The following FAM149B1 variants were observed in gnomAD, a reference collection of about 807,000 sequenced individuals.
FAM149B1 encodes the protein primary cilium assembly protein FAM149B1.
Under a neutral mutation model 75.3 loss-of-function variants are expected in FAM149B1, and 56 were observed. The observed-to-expected ratio is 0.74, with a 90% CI of 0.60 to 0.93. The LOEUF (loss-of-function observed/expected upper bound fraction) is 0.93, where lower values mean the gene tolerates loss of function less well. Among genes scored for constraint, FAM149B1 ranks in the 40% least tolerant of loss-of-function variants. FAM149B1 has a pLI of 0.00. For synonymous variants in FAM149B1, 259 were observed against 256.1 expected, an observed-to-expected ratio of 1.01 and a Z score of -0.11; for missense variants, 639 against 708.4, an observed-to-expected ratio of 0.90 and a Z score of 1.11.
chr10:73,236,690 G>A (rs1424039837), intron 12 of FAM149B1, among the ~76,000 whole-genome samples: 2 of 150,758 alleles, frequency 1.3e-5, no homozygotes, highest in African/African-American at 4.9e-5. Context: ...GTGATTATAG[G>A]TGTGAGCCAC....
chr10:73,222,227 T>C (rs2043433377), intron 7 of FAM149B1, among the ~76,000 whole-genome samples: 1 of 152,220 alleles, frequency 6.6e-6, no homozygotes, highest in African/African-American at 2.4e-5. Flanking sequence ...TGCAAACAGT[T>C]TGATCCATTC....
intron 5 of FAM149B1, among the ~76,000 whole-genome samples, chr10:73,199,192 C>A (rs1227216007): frequency 8.0e-6 from 1 of 125,264 alleles, no homozygotes; most frequent in Non-Finnish European, 1.7e-5. Context: ...TAACTGTTAT[C>A]CTTTTTTGTT....
At chr10:73,238,637 A>T (rs1564719378) in intron 12 of FAM149B1, 1 of 152,330 alleles carries the variant, frequency 6.6e-6, no homozygotes, top group Admixed American at 6.5e-5. Context: ...CTTTGCAAAA[A>T]ATAAGTTTGC....
At chr10:73,193,407 A>G in intron 4 of FAM149B1, 70 bp from the exon 5 acceptor site, 1 of 1,481,670 alleles carries the variant, frequency 6.7e-7, no homozygotes, top group Non-Finnish European at 9.1e-7. Context: ...AATGTGTCCA[A>G]AATATATCTA....
At chr10:73,178,219 C>T (rs1844054964) in intron 3 of FAM149B1, among the ~76,000 whole-genome samples, 2 of 152,122 alleles carry the variant, frequency 1.3e-5, no homozygotes, top group South Asian at 2.1e-4. Flanking sequence ...TGGCCGGGCA[C>T]GGTGGCTCAC....
At position 73,241,192 on chromosome 10, in the gene FAM149B1, A is replaced by G. The variant is rs1472487209; in HGVS notation, c.*173A>G. ...AAACACCATAGCAGCCAAAAATGAC[A>G]TGAGTGTTGTTTCTATCTCCAGTTA... On this transcript the variant is annotated 3_prime_UTR_variant, in exon 14 of 14. Coordinates refer to ENST00000242505, the MANE Select transcript of FAM149B1 (RefSeq NM_173348.2). 5.1e-6 allele frequency: 3 copies of G among 582,986 alleles called. No homozygotes were observed. Among genetic ancestry groups the G allele is most frequent in the Admixed American group, 2.7e-5 (1 of 37,384 alleles). The allele number at this position is 582,986 out of a possible 1,614,324, so 36.1% of individuals were successfully genotyped here.
chr10:73,181,858 A>T (rs1174967057), intron 3 of FAM149B1, among the ~76,000 whole-genome samples: 1 of 152,146 alleles, frequency 6.6e-6, no homozygotes, highest in African/African-American at 2.4e-5. Flanking sequence ...TCCAACTCTT[A>T]TTGTATTGGG....
intron 3 of FAM149B1, chr10:73,183,535 A>G (rs1052618720): frequency 3.3e-5 from 5 of 152,174 alleles, no homozygotes; most frequent in Non-Finnish European, 5.9e-5. Flanking sequence ...ATACTTCTCA[A>G]TTCAGTTCAT....
At chr10:73,235,572 G>A (rs755699938) in intron 12 of FAM149B1, 3 of 671,222 alleles carry the variant, frequency 4.5e-6, no homozygotes, top group Admixed American at 7.1e-5. Context: ...CTGACCACAA[G>A]CAAGAATATT....
intron 3 of FAM149B1, among the ~76,000 whole-genome samples, chr10:73,188,809 GGAAA>G (rs1306414901): frequency 7.3e-6 from 1 of 137,348 alleles, no homozygotes; most frequent in Non-Finnish European, 1.6e-5. Context: ...AAGGAAGGAA[GGAAA>G]GGACAGATCA....
At chr10:73,223,382 G>A (rs566141826) in intron 7 of FAM149B1, among the ~76,000 whole-genome samples, 3 of 152,126 alleles carry the variant, frequency 2.0e-5, no homozygotes, top group South Asian at 2.1e-4. Context: ...TGTTTTGCTC[G>A]CAACAAGTTT....
intron 1 of FAM149B1, among the ~76,000 whole-genome samples, chr10:73,171,622 TTTTC>T (rs1434580488): frequency 1.3e-5 from 2 of 148,546 alleles, no homozygotes; most frequent in African/African-American, 2.6e-5. Context: ...TTCCTTATCC[TTTTC>T]TTTCTTTTTT....
chr10:73,191,902 CTT>C (rs949630521), intron 3 of FAM149B1, among the ~76,000 whole-genome samples: 2 of 146,666 alleles, frequency 1.4e-5, no homozygotes, highest in Non-Finnish European at 3.0e-5. Context: ...AAAATATAGA[CTT>C]TTTTTTTTTG....
At chr10:73,177,822 C>T in intron 2 of FAM149B1, 24 bp from the exon 3 acceptor site, 2 of 1,534,732 alleles carry the variant, frequency 1.3e-6, no homozygotes, top group Non-Finnish European at 8.7e-7. Context: ...TTTTTTCTCT[C>T]CTCCTCCCAA....
intron 13 of FAM149B1, 74 bp from the exon 14 acceptor site, chr10:73,240,872 G>A: frequency 1.2e-6 from 1 of 868,076 alleles, no homozygotes; most frequent in Non-Finnish European, 1.9e-6. Context: ...GAGCAAAAAA[G>A]CCCTTAGCTA....
chr10:73,234,911 G>GT lies in FAM149B1; in HGVS notation c.1448dup (p.Ser484GlufsTer16). The GT allele has an allele frequency of 6.4e-7, 1 of 1,552,066 alleles. No homozygotes were observed. ...TATTGGCACAGCTGAAGTGGAACATGTGAGCACTGTGGGGCCACAAAGACA... is the reference window on the plus strand; with the variant it reads ...TATTGGCACAGCTGAAGTGGAACATGTTGAGCACTGTGGGGCCACAAAGACA... On this transcript the variant is annotated frameshift_variant, in exon 11 of 14. Coordinates refer to ENST00000242505, the MANE Select transcript of FAM149B1 (RefSeq NM_173348.2). LOFTEE classifies it high-confidence loss of function.
rs369415918 is a variant in FAM149B1, at chr10:73,241,035, T to A, written c.*16T>A. On this transcript the variant is annotated 3_prime_UTR_variant, in exon 14 of 14. Coordinates refer to ENST00000242505, the MANE Select transcript of FAM149B1 (RefSeq NM_173348.2). ...GGGACCATAAGGCAAATGAGAAGAATCTATCAGGCTGCAGGAAACACGAGA... is the reference window on the plus strand; with the variant it reads ...GGGACCATAAGGCAAATGAGAAGAAACTATCAGGCTGCAGGAAACACGAGA... 2.9e-3 allele frequency: 4,113 copies of A among 1,425,390 alleles called. 11 individuals carry two copies. The highest frequency in any genetic ancestry group is 3.5e-3 in the Middle Eastern group (20 of 5,734). 88.3% of individuals were successfully genotyped at this position (1,425,390 alleles called of 1,614,324 possible).
chr10:73,234,119 C>T (rs1471587474), intron 10 of FAM149B1: 1 of 152,138 alleles, frequency 6.6e-6, no homozygotes, highest in Admixed American at 6.5e-5. Flanking sequence ...AAAATATCCT[C>T]AAAGGTATGA....
At chr10:73,226,453 G>A (rs952556083) in intron 7 of FAM149B1, among the ~76,000 whole-genome samples, 8 of 152,040 alleles carry the variant, frequency 5.3e-5, no homozygotes, top group South Asian at 2.1e-4. Context: ...TGCAGTGAGC[G>A]GAGCTTGCAC....
Sources: gnomAD v4.1 joint callset for allele counts (sites outside exome capture counted in the v4.1 genomes callset) on GRCh38, gnomAD v4.1.1 for gene constraint, MANE v1.5 for transcripts, NCBI Gene and HGNC (gene_info 2026-07-23, HGNC 2026-07-21) for gene names.